KNDC1: variants seen among roughly 807,000 people sequenced by gnomAD.
KNDC1 encodes kinase non-catalytic C-lobe domain-containing protein 1.
A neutral mutation model predicts 172.8 loss-of-function variants in KNDC1; 106 were observed. The observed-to-expected ratio is 0.61, with a 90% confidence interval of 0.52 to 0.72. The LOEUF is 0.72. Among genes scored for constraint, KNDC1 ranks in the 30% least tolerant of loss-of-function variants. The probability of loss-of-function intolerance (pLI) is 0.00; values close to 1 mark genes in which losing one functional copy is unlikely to be tolerated. For synonymous variants in KNDC1, 1,083 were observed against 1,062.2 expected (o/e 1.02, Z -0.38); for missense variants, 2,325 against 2,394.5 (o/e 0.97, Z 0.61).
intron 9 of KNDC1, among the ~76,000 whole-genome samples, chr10:133,192,681 T>A (rs1199747312): frequency 6.6e-6 from 1 of 152,166 alleles, no homozygotes; most frequent in Non-Finnish European, 1.5e-5. Flanking sequence ...ATGGGCTTAA[T>A]AGCAGAATAG....
chr10:133,186,531 C>G lies in KNDC1; in HGVS notation c.1183C>G (p.Gln395Glu). 6.2e-7 allele frequency: 1 copy of G among 1,612,046 alleles called. No individual in the cohort carries two copies. Among genetic ancestry groups the G allele is most frequent in the East Asian group, 2.2e-5 (1 of 44,858 alleles). The change falls in exon 6 of 30, where the codon CAG becomes GAG. Residue 395 changes from glutamine to glutamate, a missense_variant. Gln to Glu is a conservative substitution (Grantham distance 29). Coordinates refer to ENST00000304613, the MANE Select transcript of KNDC1 (RefSeq NM_152643.8). Reference sequence around the variant, plus strand: ...CCCTGGGGTGCCCGGCAGTCCAGGACAGCCCGAGACTTCACACCCCAGCCA... The same window carrying G: ...CCCTGGGGTGCCCGGCAGTCCAGGAGAGCCCGAGACTTCACACCCCAGCCA... ...RGPGVPGSPG[Q>E]PETSHPSQGP...
At chr10:133,177,924 G>A (rs752746473) in intron 3 of KNDC1, among the ~76,000 whole-genome samples, 1 of 148,492 alleles carries the variant, frequency 6.7e-6, no homozygotes, top group Non-Finnish European at 1.5e-5. Context: ...GTGCAAGCAT[G>A]TAGTGTGTTA....
At position 133,222,081 on chromosome 10, in the gene KNDC1, A is replaced by T. The variant is rs559141580; in HGVS notation, c.5018+1969A>T. On this transcript the variant is annotated intron_variant, in intron 29 of 29. Transcript: ENST00000304613. The stretch of plus-strand genomic sequence containing the variant: ...CGGATCACTTGAGGTCAGGAGTTCA[A>T]GACCAGCCTGGCCAACATGGTGAAA... Among the ~76,000 whole-genome samples, 15 of 151,082 alleles carry T rather than the reference A, an allele frequency of 9.9e-5. 3 individuals are homozygous for T. Among genetic ancestry groups the T allele is most frequent in the Non-Finnish European group, 2.2e-4 (15 of 67,682 alleles).
At chr10:133,221,019 C>T (rs1044182064) in intron 29 of KNDC1, among the ~76,000 whole-genome samples, 8 of 152,122 alleles carry the variant, frequency 5.3e-5, no homozygotes, top group Non-Finnish European at 1.5e-5. Context: ...CTCTGCAAAT[C>T]TGGAGCATTT....
chr10:133,214,720 C>G (rs1250949031), intron 26 of KNDC1, among the ~76,000 whole-genome samples: 1 of 152,242 alleles, frequency 6.6e-6, no homozygotes, highest in Non-Finnish European at 1.5e-5. Context: ...GTGGTCTGAC[C>G]AAGGTCAAGG....
At position 133,220,132 on chromosome 10, in the gene KNDC1, G is replaced by A. The variant is rs746062565; in HGVS notation, c.5018+20G>A. On this transcript the variant is annotated intron_variant, in intron 29 of 29. Transcript: ENST00000304613. ...GCTCAGGTGAGGAGGGGCTCAGGCG[G>A]CCGCGCGCCCAGGAGAGGAGGGGCT... 6.3e-5 allele frequency: 95 copies of A among 1,512,226 alleles called. No individual in the cohort carries two copies. Among genetic ancestry groups the A allele is most frequent in the Non-Finnish European group, 8.0e-5 (89 of 1,118,786 alleles). 93.7% of individuals were successfully genotyped at this position (1,512,226 alleles called of 1,614,324 possible).
At chr10:133,220,840 C>G (rs1845573048) in intron 29 of KNDC1, among the ~76,000 whole-genome samples, 1 of 151,846 alleles carries the variant, frequency 6.6e-6, no homozygotes, top group Non-Finnish European at 1.5e-5. Flanking sequence ...CAGGTGGCCG[C>G]GCATCCAGCA....
chr10:133,211,832 C>G lies in KNDC1; in HGVS notation c.4210C>G (p.Leu1404Val). The change falls in exon 23 of 30, where the codon CTC (leucine) becomes GTC (valine). Residue 1404 changes from leucine (L) to valine (V), a missense_variant. Transcript: ENST00000304613. ...ARPFNALCKRLSEDGISRKSF... is the reference protein window; with the variant it reads ...ARPFNALCKRVSEDGISRKSF... ...ACCCTTCAACGCCCTCTGTAAGAGG[C>G]TCTCAGAGGACGGCATCTCCAGGAA... 3 of 1,609,056 alleles carry G rather than the reference C, an allele frequency of 1.9e-6. No homozygotes were observed. The highest frequency in any genetic ancestry group is 2.2e-5 in the East Asian group (1 of 44,850).
At chr10:133,165,702 T>C (rs1319597675) in intron 1 of KNDC1, among the ~76,000 whole-genome samples, 1 of 152,214 alleles carries the variant, frequency 6.6e-6, no homozygotes, top group East Asian at 1.9e-4. Context: ...GGTGTGTGCA[T>C]GTGTTTGTGT....
chr10:133,218,876 T>G lies in KNDC1; in HGVS notation c.4723T>G (p.Cys1575Gly), dbSNP rs1325879214. ...LSKFLLIAKS[C>G]YEQRNFATAM... ...CAAATTTTTGCTGATTGCAAAATCTTGCTATGAGCAGAGAAACTTCGCGAC... is the reference window on the plus strand; with the variant it reads ...CAAATTTTTGCTGATTGCAAAATCTGGCTATGAGCAGAGAAACTTCGCGAC... The change falls in exon 27 of 30, where the codon TGC becomes GGC. Residue 1575 changes from cysteine (C) to glycine (G), a missense_variant. By Grantham distance (159) the Cys-to-Gly change is radical. Transcript: ENST00000304613. 6.2e-7 allele frequency: 1 copy of G among 1,613,736 alleles called. No individual in the cohort carries two copies. Among genetic ancestry groups the G allele is most frequent in the East Asian group, 2.2e-5 (1 of 44,868 alleles).
chr10:133,180,187 C>G (rs747014884), intron 3 of KNDC1, among the ~76,000 whole-genome samples: 2 of 152,274 alleles, frequency 1.3e-5, no homozygotes, highest in Admixed American at 1.3e-4. Flanking sequence ...CCATGTATCG[C>G]TGTCTCCTGA....
At position 133,226,350 on chromosome 10, in the gene KNDC1, G is replaced by A. The variant is rs1394372551; in HGVS notation, c.*1460G>A. On this transcript the variant is annotated 3_prime_UTR_variant, in exon 30 of 30. Transcript: ENST00000304613. ...CAGCACTGGGCTCAGGCTTCAGCGC[G>A]ACTGTCCGCATGGCTCCCTCCCGTC... 6.6e-6 allele frequency: 1 copy of A among 152,282 alleles called. No homozygotes were observed. The highest frequency in any genetic ancestry group is 2.1e-4 in the South Asian group (1 of 4,830). 9.4% of individuals were successfully genotyped at this position (152,282 alleles called of 1,614,324 possible).
intron 15 of KNDC1, among the ~76,000 whole-genome samples, 195 bp downstream of exon 15, chr10:133,199,797 C>T (rs112296261): frequency 8.5e-5 from 13 of 152,296 alleles, no homozygotes; most frequent in African/African-American, 2.9e-4. Context: ...CGCCTACTCA[C>T]AGCTTTCCCA....
chr10:133,183,959 C>T lies in KNDC1; in HGVS notation c.595C>T (p.Leu199Phe), dbSNP rs1853801788. The change falls in exon 5 of 30, where the codon CTC (leucine) becomes TTC (phenylalanine). Residue 199 changes from leucine (L) to phenylalanine (F), a missense_variant. By Grantham distance (22) the Leu-to-Phe change is conservative. Transcript: ENST00000304613. ...RSLSAVGRRV[L>F]SIESFGALQD... ...CCTCTCTGCTGTGGGGAGGAGGGTC[C>T]TCTCCATCGAGTCCTTCGGAGCGCT... 2 of 1,598,498 alleles carry T rather than the reference C, an allele frequency of 1.3e-6. No homozygotes were observed. The highest frequency in any genetic ancestry group is 1.3e-5 in the African/African-American group (1 of 74,668).
chr10:133,217,311 C>T (rs567673132), intron 26 of KNDC1, among the ~76,000 whole-genome samples: 3 of 152,260 alleles, frequency 2.0e-5, no homozygotes, highest in African/African-American at 4.8e-5. Context: ...AAAGTGTATC[C>T]GGTAAACACT....
intron 28 of KNDC1, 23 bp from the exon 29 acceptor site, chr10:133,219,932 C>T: frequency 1.9e-6 from 3 of 1,544,632 alleles, no homozygotes; most frequent in Non-Finnish European, 2.6e-6. Context: ...TCTCCCCGGC[C>T]CACGCCCCGG....
At chr10:133,200,144 G>A (rs1043468337) in intron 15 of KNDC1, among the ~76,000 whole-genome samples, 17 of 152,128 alleles carry the variant, frequency 1.1e-4, no homozygotes, top group Non-Finnish European at 2.1e-4. Flanking sequence ...CGGCCTCCTC[G>A]GCCCCGCAGC....
Position 133,209,734 on chromosome 10 carries a change from C to T in KNDC1, c.3795-877C>T, listed in dbSNP as rs1245957541. ...GTGGGCGTCACCTTTGCAGGGCAGC[C>T]TGGGGCTGGGGCTGTGGCCACCTGT... On this transcript the variant is annotated intron_variant, in intron 20 of 29. Coordinates refer to ENST00000304613, the MANE Select transcript of KNDC1 (RefSeq NM_152643.8). The surrounding 1 kb of genome is among the most constrained non-coding windows in gnomAD (Gnocchi z 4.9). Among the ~76,000 whole-genome samples, 1 of 152,052 alleles carries T rather than the reference C, an allele frequency of 6.6e-6. No individual in the cohort carries two copies. The highest frequency in any genetic ancestry group is 1.5e-5 in the Non-Finnish European group (1 of 67,986).
chr10:133,177,622 A>G (rs1853582121), intron 3 of KNDC1, among the ~76,000 whole-genome samples: 1 of 151,364 alleles, frequency 6.6e-6, no homozygotes, highest in African/African-American at 2.4e-5. Context: ...GCATGCACAT[A>G]GTGTGTTGTG....
Sources: gnomAD v4.1 joint callset for allele counts (sites outside exome capture counted in the v4.1 genomes callset) on GRCh38, gnomAD v4.1.1 for gene constraint, Gnocchi (gnomAD v3.1) non-coding constraint, MANE v1.5 for transcripts, NCBI Gene and HGNC (gene_info 2026-07-23, HGNC 2026-07-21) for gene names.